BABAM2: variants seen among roughly 807,000 people sequenced by gnomAD.
The protein encoded by BABAM2 is BRISC and BRCA1 A complex member 2.
A neutral mutation model predicts 54.7 loss-of-function variants in BABAM2; 31 were observed. That is an observed-to-expected ratio of 0.57 (90% confidence interval 0.43 to 0.77). The LOEUF (loss-of-function observed/expected upper bound fraction) is 0.77, where lower values mean the gene tolerates loss of function less well. Ranked by LOEUF, BABAM2 falls within the 30% of genes least tolerant of loss-of-function variation. BABAM2 has a pLI of 0.00. For missense variants in BABAM2, 364 were observed against 455.8 expected (o/e 0.80, Z 1.83); for synonymous variants, 167 against 162.9 (o/e 1.03, Z -0.19).
chr2:28,105,514 A>G (rs1010065731), intron 6 of BABAM2, among the ~76,000 whole-genome samples: 1 of 152,208 alleles, frequency 6.6e-6, no homozygotes, highest in Non-Finnish European at 1.5e-5. Flanking sequence ...GAAAAACTTA[A>G]GTTTTTTTTC....
At chr2:28,267,688 C>T (rs1195351637) in intron 10 of BABAM2, among the ~76,000 whole-genome samples, 1 of 152,242 alleles carries the variant, frequency 6.6e-6, no homozygotes, top group Non-Finnish European at 1.5e-5. Context: ...GCATCCTCCA[C>T]TGCACCCTCT....
At chr2:28,043,245 C>T (rs1381818759) in intron 5 of BABAM2, among the ~76,000 whole-genome samples, 1 of 151,424 alleles carries the variant, frequency 6.6e-6, no homozygotes, top group African/African-American at 2.4e-5. Context: ...ATTCTCATGC[C>T]TCAGCCGCCC....
intron 6 of BABAM2, among the ~76,000 whole-genome samples, chr2:28,121,075 A>G (rs1669024936): frequency 6.6e-6 from 1 of 152,232 alleles, no homozygotes. Flanking sequence ...ATATCAAAAT[A>G]TCAAGATAAT....
chr2:28,338,890 C>T lies in BABAM2; in HGVS notation c.*377C>T, dbSNP rs58720304. ...CTAAGATTAAATGCCCCTCGCTGTT[C>T]TTCCTCTGAAACTAGTGTCTTCCCT... On this transcript the variant is annotated 3_prime_UTR_variant, in exon 12 of 12. Coordinates refer to ENST00000379624, the MANE Select transcript of BABAM2 (RefSeq NM_199191.3). 65,717 of 231,902 alleles carry T rather than the reference C, an allele frequency of 0.28. 12,820 individuals carry two copies. Among genetic ancestry groups the T allele is most frequent in the East Asian group, 0.59 (4,992 of 8,408 alleles). The allele number at this position is 231,902 out of a possible 1,614,324, so 14.4% of individuals were successfully genotyped here.
At chr2:28,039,382 A>G (rs1182873624) in intron 5 of BABAM2, among the ~76,000 whole-genome samples, 2 of 152,258 alleles carry the variant, frequency 1.3e-5, no homozygotes, top group East Asian at 3.8e-4. Flanking sequence ...ATAAAATTCT[A>G]GTTAGACTAA....
At chr2:27,962,796 G>C (rs1346963611) in intron 3 of BABAM2, among the ~76,000 whole-genome samples, 1 of 152,108 alleles carries the variant, frequency 6.6e-6, no homozygotes, top group East Asian at 1.9e-4. Flanking sequence ...TAGAGCTAAA[G>C]ACCATTTGAT....
At chr2:28,273,397 T>C (rs1340510851) in intron 10 of BABAM2, among the ~76,000 whole-genome samples, 2 of 152,140 alleles carry the variant, frequency 1.3e-5, no homozygotes, top group East Asian at 1.9e-4. Context: ...TTAGGGAGGA[T>C]TGGTTGCTGA....
chr2:28,179,308 G>C (rs1441123181), intron 7 of BABAM2, among the ~76,000 whole-genome samples: 2 of 152,150 alleles, frequency 1.3e-5, no homozygotes, highest in Non-Finnish European at 2.9e-5. Context: ...ATTTATCCCA[G>C]AGATGCAAGG....
intron 3 of BABAM2, among the ~76,000 whole-genome samples, chr2:27,983,253 G>A (rs563574683): frequency 1.3e-5 from 2 of 151,956 alleles, no homozygotes; most frequent in South Asian, 4.2e-4. Context: ...AATTGTGTTG[G>A]CACCCTTGTC....
At chr2:28,318,123 G>T (rs940464238) in intron 11 of BABAM2, among the ~76,000 whole-genome samples, 1 of 152,176 alleles carries the variant, frequency 6.6e-6, no homozygotes, top group Non-Finnish European at 1.5e-5. Context: ...CCCTGAGGCC[G>T]GCAGTAGTAT....
intron 7 of BABAM2, among the ~76,000 whole-genome samples, chr2:28,147,019 G>T (rs1461385327): frequency 1.3e-5 from 2 of 152,188 alleles, no homozygotes; most frequent in African/African-American, 4.8e-5. Flanking sequence ...TCTTTTTGGA[G>T]ATCTGAAATG....
intron 5 of BABAM2, among the ~76,000 whole-genome samples, chr2:28,027,474 C>T (rs1047131680): frequency 2.7e-4 from 41 of 152,302 alleles, no homozygotes; most frequent in African/African-American, 9.6e-4. Context: ...TAATCTTGTT[C>T]CCACCTCCAG....
intron 6 of BABAM2, among the ~76,000 whole-genome samples, chr2:28,084,631 C>T (rs1173310744): frequency 2.0e-5 from 3 of 151,970 alleles, no homozygotes; most frequent in Non-Finnish European, 4.4e-5. Context: ...GTGTTGATGC[C>T]TTTTGTGCTG....
At chr2:28,194,975 C>A (rs1255610190) in intron 7 of BABAM2, among the ~76,000 whole-genome samples, 1 of 152,292 alleles carries the variant, frequency 6.6e-6, no homozygotes, top group South Asian at 2.1e-4. Context: ...GGATTACAGG[C>A]GTTAGCCACC....
intron 6 of BABAM2, among the ~76,000 whole-genome samples, chr2:28,060,883 G>A (rs905880058): frequency 5.9e-5 from 9 of 152,092 alleles, no homozygotes; most frequent in African/African-American, 1.4e-4. Flanking sequence ...ACTTAATCTC[G>A]TAAGATATCA....
chr2:27,924,315 T>C (rs936758351), intron 2 of BABAM2, among the ~76,000 whole-genome samples: 8 of 152,206 alleles, frequency 5.3e-5, no homozygotes, highest in African/African-American at 1.9e-4. Flanking sequence ...TCTGTTTTGC[T>C]GAGAGGAATA....
At chr2:27,956,317 G>A (rs868219454) in intron 3 of BABAM2, among the ~76,000 whole-genome samples, 2 of 152,208 alleles carry the variant, frequency 1.3e-5, no homozygotes, top group Admixed American at 6.5e-5. Context: ...AGATTTATGG[G>A]TATCAAGCAA....
intron 6 of BABAM2, among the ~76,000 whole-genome samples, chr2:28,124,350 T>C (rs562347291): frequency 2.6e-5 from 4 of 152,254 alleles, no homozygotes; most frequent in Admixed American, 1.3e-4. Flanking sequence ...AGACCCTGAG[T>C]GTTTTTTACA....
rs1688380381 is a variant in BABAM2, at chr2:28,304,765, A to G, written c.1088+6274A>G. Among the ~76,000 whole-genome samples the G allele has an allele frequency of 6.6e-6, 1 of 151,918 alleles. No homozygotes were observed. The highest frequency in any genetic ancestry group is 1.5e-5 in the Non-Finnish European group (1 of 67,992). On this transcript the variant is annotated intron_variant, in intron 11 of 11. Coordinates refer to ENST00000379624, the MANE Select transcript of BABAM2 (RefSeq NM_199191.3). The surrounding 1 kb of genome is among the most constrained non-coding windows in gnomAD (Gnocchi z 4.0). ...TAATTTTTTGTATTTTTTTTTTAGT[A>G]GAGACGGAGTTTTACCATGTTGCCC... is the stretch of plus-strand genomic sequence containing the variant.
Sources: gnomAD v4.1 joint callset for allele counts (sites outside exome capture counted in the v4.1 genomes callset) on GRCh38, gnomAD v4.1.1 for gene constraint, Gnocchi (gnomAD v3.1) non-coding constraint, MANE v1.5 for transcripts, NCBI Gene and HGNC (gene_info 2026-07-23, HGNC 2026-07-21) for gene names.